The following PPM1E variants were observed in gnomAD, a reference collection of about 807,000 sequenced individuals.
The protein encoded by PPM1E is protein phosphatase 1E.
A neutral mutation model predicts 65.9 loss-of-function variants in PPM1E; 20 were observed. The observed-to-expected ratio is 0.30, with a 90% CI of 0.21 to 0.44. The LOEUF (loss-of-function observed/expected upper bound fraction) is 0.44, where lower values mean the gene tolerates loss of function less well. Ranked by LOEUF, PPM1E falls within the 20% of genes least tolerant of loss-of-function variation. The pLI is 1.00. For synonymous variants in PPM1E, 352 were observed against 374.9 expected, an observed-to-expected ratio of 0.94 and a Z score of 0.70; for missense variants, 713 against 953.1, an observed-to-expected ratio of 0.75 and a Z score of 3.32.
intron 1 of PPM1E, among the ~76,000 whole-genome samples, chr17:58,948,776 G>A (rs1314991513): frequency 6.6e-6 from 1 of 152,060 alleles, no homozygotes; most frequent in Non-Finnish European, 1.5e-5. Context: ...TCACCCATTG[G>A]TTGTTTAGGA....
chr17:58,922,564 T>C (rs2051766174), intron 1 of PPM1E, among the ~76,000 whole-genome samples: 1 of 152,172 alleles, frequency 6.6e-6, no homozygotes, highest in Non-Finnish European at 1.5e-5. Context: ...TCTTACCTTA[T>C]TCTTTTTAAT....
chr17:58,841,183 C>T (rs1567850411), intron 1 of PPM1E, among the ~76,000 whole-genome samples: 1 of 152,280 alleles, frequency 6.6e-6, no homozygotes, highest in East Asian at 1.9e-4. Flanking sequence ...AGTGAATAGA[C>T]AAATCTTTCC....
intron 1 of PPM1E, among the ~76,000 whole-genome samples, chr17:58,776,907 A>G (rs2049999388): frequency 6.6e-6 from 1 of 152,166 alleles, no homozygotes; most frequent in Admixed American, 6.6e-5. Flanking sequence ...AAGAGTTAGA[A>G]AAGAGGAGGT....
At chr17:58,900,390 A>G (rs2051483598) in intron 1 of PPM1E, among the ~76,000 whole-genome samples, 1 of 152,252 alleles carries the variant, frequency 6.6e-6, no homozygotes, top group Admixed American at 6.5e-5. Flanking sequence ...GTCAGCAGCC[A>G]TCAACGTGGA....
In PPM1E at chr17:58,895,959, A is replaced by G. The variant is rs538112614; in HGVS notation, c.465-59690A>G. 1.3e-4 allele frequency among the ~76,000 whole-genome samples: 20 copies of G among 151,356 alleles called. No homozygotes were observed. In the South Asian group the frequency reaches 1.5e-3, roughly 11 times the overall value. ...TCTCTGCTAAACATACAAAAAAAAA[A>G]AAAAAATTAGCTGGGTGTGGTGGCA... On this transcript the variant is annotated intron_variant, in intron 1 of 6. Transcript: ENST00000308249.
intron 1 of PPM1E, among the ~76,000 whole-genome samples, chr17:58,816,653 TATA>T (rs1032017481): frequency 6.0e-5 from 9 of 149,694 alleles, no homozygotes; most frequent in African/African-American, 2.2e-4. Flanking sequence ...AGTGTAATCA[TATA>T]ATATTTGTCC....
intron 3 of PPM1E, 98 bp from the exon 4 acceptor site, chr17:58,969,441 T>C (rs777312469): frequency 1.8e-6 from 2 of 1,137,034 alleles, no homozygotes; most frequent in Non-Finnish European, 2.7e-6. Flanking sequence ...ACAAATGCAG[T>C]GGAGGAGAAA....
Position 58,983,301 on chromosome 17 carries a change from G to C in PPM1E, c.*2270G>C, listed in dbSNP as rs140209027. ...AACTATTCATTTGTTCACAACATGC[G>C]TATTTATAGAGTAGTTAGGTACCAT... On this transcript the variant is annotated 3_prime_UTR_variant, in exon 7 of 7. Transcript: ENST00000308249. 7.0e-4 allele frequency: 118 copies of C among 169,180 alleles called. No homozygotes were observed. The highest frequency in any genetic ancestry group is 2.6e-3 in the African/African-American group (110 of 42,020). 10.5% of individuals were successfully genotyped at this position (169,180 alleles called of 1,614,324 possible). A position where few individuals can be genotyped will look rare whatever the true frequency, so the allele number is the denominator to read the frequency against.
chr17:58,756,113 C>CCGAACG lies in PPM1E; in HGVS notation c.121_122insGCGAAC (p.Glu40_Pro41insArgGlu), dbSNP rs750952521. The CCGAACG allele has an allele frequency of 1.2e-5, 19 of 1,607,414 alleles. No homozygotes were observed. The highest frequency in any genetic ancestry group is 1.5e-5 in the Non-Finnish European group (18 of 1,176,514). On this transcript the variant is annotated inframe_insertion, in exon 1 of 7. Coordinates refer to ENST00000308249, the MANE Select transcript of PPM1E (RefSeq NM_014906.5). ...CCGGAGCCGGAACCCGAACCCGAAC[C>CCGAACG]CGAACCCGAACCCGAGTCCGAGCCC...
intron 1 of PPM1E, among the ~76,000 whole-genome samples, chr17:58,774,370 C>CT (rs1225149528): frequency 6.6e-6 from 1 of 151,994 alleles, no homozygotes; most frequent in East Asian, 1.9e-4. Context: ...GCAAATTTTT[C>CT]TTTATCACAG....
chr17:58,855,047 A>G lies in PPM1E; in HGVS notation c.464+98586A>G, dbSNP rs570670680. Reference sequence around the variant, plus strand: ...GGAAACTCAAGTGTGGACAACTCTGAGAGTTAACCCAGTCATATGGGTGCC... The same window carrying G: ...GGAAACTCAAGTGTGGACAACTCTGGGAGTTAACCCAGTCATATGGGTGCC... On this transcript the variant is annotated intron_variant, in intron 1 of 6. Coordinates refer to ENST00000308249, the MANE Select transcript of PPM1E (RefSeq NM_014906.5). 2.6e-5 allele frequency among the ~76,000 whole-genome samples: 4 copies of G among 152,280 alleles called. No individual in the cohort carries two copies. In the South Asian group the frequency reaches 8.3e-4, roughly 32 times the overall value.
chr17:58,820,549 T>C (rs2050469561), intron 1 of PPM1E, among the ~76,000 whole-genome samples: 1 of 152,222 alleles, frequency 6.6e-6, no homozygotes, highest in Non-Finnish European at 1.5e-5. Context: ...AAAGACGTGG[T>C]TGAAGTCCTA....
At chr17:58,774,387 T>C (rs1376499739) in intron 1 of PPM1E, among the ~76,000 whole-genome samples, 1 of 152,140 alleles carries the variant, frequency 6.6e-6, no homozygotes, top group Non-Finnish European at 1.5e-5. Context: ...ACAGGACCAG[T>C]GTTCAATATT....
intron 1 of PPM1E, among the ~76,000 whole-genome samples, chr17:58,805,974 CAAA>C (rs1341289870): frequency 6.8e-5 from 5 of 74,020 alleles, no homozygotes; most frequent in South Asian, 5.1e-4. Context: ...AAAAAAAAAA[CAAA>C]AAAAAAACAA....
intron 1 of PPM1E, among the ~76,000 whole-genome samples, chr17:58,863,424 C>T (rs942570300): frequency 6.6e-6 from 1 of 152,180 alleles, no homozygotes; most frequent in Non-Finnish European, 1.5e-5. Flanking sequence ...CTGTGCAGGC[C>T]CCACAGCAGG....
In PPM1E at chr17:58,980,063, T is replaced by G; in HGVS notation, c.1300T>G (p.Cys434Gly). Residue 434 changes from cysteine to glycine, a missense_variant, in exon 7 of 7, where the codon TGT becomes GGT. Coordinates refer to ENST00000308249, the MANE Select transcript of PPM1E (RefSeq NM_014906.5). The surrounding 1 kb of genome is among the most constrained non-coding windows in gnomAD (Gnocchi z 4.7). ...GACCGAAGACTACCTCATTCTGGCC[T>G]GTGATGGCTTCTATGACACCGTGAA... ...DGTEDYLILA[C>G]DGFYDTVNPD... 6.2e-7 allele frequency: 1 copy of G among 1,614,162 alleles called. No individual in the cohort carries two copies. The highest frequency in any genetic ancestry group is 8.5e-7 in the Non-Finnish European group (1 of 1,180,000).
chr17:58,961,231 A>G (rs1374573037), intron 2 of PPM1E, among the ~76,000 whole-genome samples: 2 of 152,248 alleles, frequency 1.3e-5, no homozygotes, highest in African/African-American at 2.4e-5. Context: ...AAGCATATAA[A>G]TGTTTAATAT....
chr17:58,797,684 T>A (rs2050219723), intron 1 of PPM1E, among the ~76,000 whole-genome samples: 1 of 152,238 alleles, frequency 6.6e-6, no homozygotes, highest in Admixed American at 6.5e-5. Context: ...AACATTCTCG[T>A]GCAAGTCTTT....
At chr17:58,782,808 T>C (rs1307895811) in intron 1 of PPM1E, among the ~76,000 whole-genome samples, 1 of 152,064 alleles carries the variant, frequency 6.6e-6, no homozygotes, top group Non-Finnish European at 1.5e-5. Context: ...AATTAACAGA[T>C]GTGAGGAATA....
Sources: gnomAD v4.1 joint callset for allele counts (sites outside exome capture counted in the v4.1 genomes callset) on GRCh38, gnomAD v4.1.1 for gene constraint, Gnocchi (gnomAD v3.1) non-coding constraint, MANE v1.5 for transcripts, NCBI Gene and HGNC (gene_info 2026-07-23, HGNC 2026-07-21) for gene names.